The following ZNF423 variants were observed in gnomAD, a reference collection of about 807,000 sequenced individuals.
The protein encoded by ZNF423 is zinc finger protein 423, also known as Ebf-associated zinc finger protein.
Under a neutral mutation model 95.8 loss-of-function variants are expected in ZNF423, and 12 were observed. That is an observed-to-expected ratio of 0.13 (90% CI 0.08 to 0.20). The LOEUF is 0.20. Ranked by LOEUF, ZNF423 falls within the 10% of genes least tolerant of loss-of-function variation. The pLI is 1.00. For synonymous variants in ZNF423, 749 were observed against 711.9 expected (o/e 1.05, Z -0.83); for missense variants, 1,316 against 1,737.1 (o/e 0.76, Z 4.31).
At chr16:49,594,302 T>C (rs1971113679) in intron 5 of ZNF423, among the ~76,000 whole-genome samples, 1 of 152,040 alleles carries the variant, frequency 6.6e-6, no homozygotes, top group Non-Finnish European at 1.5e-5. Context: ...CTCTCTCCTC[T>C]CCTTCCATCA....
chr16:49,835,019 C>T (rs1353289178), intron 1 of ZNF423, among the ~76,000 whole-genome samples: 1 of 152,080 alleles, frequency 6.6e-6, no homozygotes, highest in East Asian at 1.9e-4. Flanking sequence ...AGAGGGGCTG[C>T]TGAGGCCTTG....
chr16:49,800,965 G>C (rs2034574006), intron 1 of ZNF423, among the ~76,000 whole-genome samples: 1 of 152,254 alleles, frequency 6.6e-6, no homozygotes, highest in South Asian at 2.1e-4. Context: ...AAAAGAAAAG[G>C]AAACTGAATA....
At chr16:49,649,658 CA>C (rs370124098) in intron 3 of ZNF423, among the ~76,000 whole-genome samples, 31,268 of 132,130 alleles carry the variant, frequency 0.24, 3,340 homozygotes, top group Admixed American at 0.27. Flanking sequence ...CACACACACA[CA>C]CACACACACA....
At chr16:49,845,516 G>A (rs994926328) in intron 1 of ZNF423, among the ~76,000 whole-genome samples, 9 of 150,772 alleles carry the variant, frequency 6.0e-5, no homozygotes, top group East Asian at 2.0e-4. Flanking sequence ...GAGCCACCAC[G>A]GCTCCCATTT....
At chr16:49,491,542 CTTT>C (rs35641691) in intron 7 of ZNF423, among the ~76,000 whole-genome samples, 13 of 111,220 alleles carry the variant, frequency 1.2e-4, no homozygotes, top group South Asian at 6.2e-4. Context: ...TGTTTTTTGG[CTTT>C]TTTTTTTTTT....
chr16:49,560,740 C>T (rs1399999570), intron 5 of ZNF423, among the ~76,000 whole-genome samples: 3 of 152,150 alleles, frequency 2.0e-5, no homozygotes, highest in South Asian at 2.1e-4. Context: ...TGTGCAAACT[C>T]GGTGTAAAAA....
At chr16:49,747,529 A>G (rs2143543103) in intron 2 of ZNF423, among the ~76,000 whole-genome samples, 1 of 152,356 alleles carries the variant, frequency 6.6e-6, no homozygotes, top group South Asian at 2.1e-4. Flanking sequence ...GAAGTGATGA[A>G]TGCCAAGCCC....
At chr16:49,770,357 T>C (rs1057116243) in intron 2 of ZNF423, among the ~76,000 whole-genome samples, 1 of 152,148 alleles carries the variant, frequency 6.6e-6, no homozygotes, top group Admixed American at 6.6e-5. Flanking sequence ...TAGAACTTCC[T>C]GGTGCTAGAA....
intron 7 of ZNF423, among the ~76,000 whole-genome samples, chr16:49,504,231 A>G (rs1967542435): frequency 6.6e-6 from 1 of 152,210 alleles, no homozygotes; most frequent in Non-Finnish European, 1.5e-5. Flanking sequence ...CAGCACTTAA[A>G]AGTGGTTAAG....
intron 2 of ZNF423, among the ~76,000 whole-genome samples, chr16:49,746,547 G>A (rs1159178909): frequency 6.6e-6 from 1 of 151,982 alleles, no homozygotes; most frequent in Non-Finnish European, 1.5e-5. Context: ...GCACAATCTC[G>A]GCTCACTGCA....
At chr16:49,666,277 G>A (rs976364373) in intron 3 of ZNF423, among the ~76,000 whole-genome samples, 5 of 152,172 alleles carry the variant, frequency 3.3e-5, no homozygotes, top group South Asian at 4.1e-4. Context: ...CCTACCATAC[G>A]TTACTGGGGC....
At chr16:49,544,055 T>G (rs1301767172) in intron 5 of ZNF423, among the ~76,000 whole-genome samples, 1 of 152,238 alleles carries the variant, frequency 6.6e-6, no homozygotes, top group African/African-American at 2.4e-5. Flanking sequence ...GGTCCATCCA[T>G]GCACACATCC....
At position 49,487,699 on chromosome 16, in the gene ZNF423, T is replaced by C. The variant is rs1410253110; in HGVS notation, c.*3576A>G. On this transcript the variant is annotated 3_prime_UTR_variant, in exon 8 of 8. Transcript: ENST00000563137. ...ATTCTGAACTTCTCTGGGATTGTTT[T>C]AAGCCACCTAGAATTGAAACTCCAT... 6.6e-6 allele frequency: 1 copy of C among 152,222 alleles called. No homozygotes were observed. The highest frequency in any genetic ancestry group is 1.5e-5 in the Non-Finnish European group (1 of 68,030). 9.4% of individuals were successfully genotyped at this position (152,222 alleles called of 1,614,324 possible). A position where few individuals can be genotyped will look rare whatever the true frequency, so the allele number is the denominator to read the frequency against.
chr16:49,753,848 T>C lies in ZNF423; in HGVS notation c.101-22877A>G, dbSNP rs180994946. ...GAGTTCGAGACCAGCCTGGCCAACATGGCAAAACCCCGTCTCTACTAAAAG... is the reference window on the plus strand; with the variant it reads ...GAGTTCGAGACCAGCCTGGCCAACACGGCAAAACCCCGTCTCTACTAAAAG... On this transcript the variant is annotated intron_variant, in intron 2 of 7. Transcript: ENST00000563137. 1.5e-3 allele frequency among the ~76,000 whole-genome samples: 222 copies of C among 152,168 alleles called. 1 individual carries two copies. The East Asian group carries it at 0.032, about 22-fold the overall frequency.
In ZNF423 at chr16:49,842,977, C is replaced by CAA. The variant is rs71380379; in HGVS notation, c.40+12756_40+12757dup. ...CTGGCAACAGAGCAAGACTCCGTCT[C>CAA]AAAAAAAAAAAAAAAAGGAAAAAGA... On this transcript the variant is annotated intron_variant, in intron 1 of 7. Coordinates refer to ENST00000563137, the MANE Select transcript of ZNF423 (RefSeq NM_001379286.1). Among the ~76,000 whole-genome samples, 486 of 97,172 alleles carry CAA rather than the reference C, an allele frequency of 5.0e-3. 3 individuals carry two copies. Among genetic ancestry groups the CAA allele is most frequent in the East Asian group, 0.043 (129 of 2,988 alleles). 63.7% of individuals were successfully genotyped at this position (97,172 alleles called of 152,430 possible).
At chr16:49,739,515 T>A (rs2033367161) in intron 2 of ZNF423, among the ~76,000 whole-genome samples, 1 of 152,026 alleles carries the variant, frequency 6.6e-6, no homozygotes, top group South Asian at 2.1e-4. Context: ...GACTGTGCGA[T>A]CCTGAGTAAG....
intron 1 of ZNF423, among the ~76,000 whole-genome samples, chr16:49,834,930 G>T (rs755082490): frequency 6.6e-5 from 10 of 152,170 alleles, no homozygotes; most frequent in Non-Finnish European, 1.0e-4. Flanking sequence ...AGGCACCCAG[G>T]GGGAGGGGAC....
At chr16:49,500,746 A>G (rs890041007) in intron 7 of ZNF423, among the ~76,000 whole-genome samples, 1 of 112,908 alleles carries the variant, frequency 8.9e-6, no homozygotes, top group Non-Finnish European at 1.9e-5. Flanking sequence ...ATCTCTACGA[A>G]AAAAAAAAAA....
rs775209030 is a variant in ZNF423, at chr16:49,638,507, G to A, written c.669C>T (p.Thr223=). 2.5e-6 allele frequency: 4 copies of A among 1,613,844 alleles called. No homozygotes were observed. Among genetic ancestry groups the A allele is most frequent in the Admixed American group, 3.3e-5 (2 of 60,018 alleles). Residue 223 remains threonine, a synonymous_variant, in exon 4 of 8, where the codon ACC becomes ACT. Coordinates refer to ENST00000563137, the MANE Select transcript of ZNF423 (RefSeq NM_001379286.1). This position sits in a 1 kb window ranked among gnomAD's most constrained non-coding sequence, Gnocchi z 5.6. ...RSDHLKIHLK[T]HSSSKPFKCT... Reference sequence around the variant, plus strand: ...ACTTGAAGGGCTTGCTGGAGCTGTGGGTCTTCAGGTGGATCTTGAGGTGGT... The same window carrying A: ...ACTTGAAGGGCTTGCTGGAGCTGTGAGTCTTCAGGTGGATCTTGAGGTGGT...
Sources: allele counts gnomAD v4.1 joint callset (sites outside exome capture counted in the v4.1 genomes callset), GRCh38; gene constraint gnomAD v4.1.1; non-coding constraint Gnocchi (gnomAD v3.1); transcripts MANE v1.5; gene names NCBI Gene and HGNC (gene_info 2026-07-23, HGNC 2026-07-21).